The following ENTREP2 variants were observed in gnomAD, a reference collection of about 807,000 sequenced individuals.
ENTREP2 encodes the protein endosomal transmembrane epsin interactor 2.
At chr15:29,615,905 T>TCA in the ENTREP2 span, among the ~76,000 whole-genome samples, 2 of 152,166 alleles carry the variant, frequency 1.3e-5, no homozygotes, top group African/African-American at 2.4e-5. Flanking sequence ...CCACCTTTGT[T>TCA]AAGAGCCTAG....
chr15:29,269,756 C>A, the ENTREP2 span: 2 of 1,398,020 alleles, frequency 1.4e-6, no homozygotes, highest in African/African-American at 1.5e-5. Flanking sequence ...GCAGCCGCGG[C>A]GGGGATTGCG....
the ENTREP2 span, among the ~76,000 whole-genome samples, chr15:29,173,944 C>CAAAAAAAAA: frequency 8.9e-5 from 7 of 78,696 alleles, no homozygotes; most frequent in Non-Finnish European, 1.2e-4. Context: ...TCTGGATAGC[C>CAAAAAAAAA]AAAAAAAAAA....
chr15:29,498,442 C>T, the ENTREP2 span, among the ~76,000 whole-genome samples: 7,265 of 152,038 alleles, frequency 0.048, 546 homozygotes, highest in African/African-American at 0.16. Flanking sequence ...TTTCCCAATT[C>T]CCTTCCATTA....
the ENTREP2 span, among the ~76,000 whole-genome samples, chr15:29,318,892 C>T: frequency 6.6e-6 from 1 of 152,204 alleles, no homozygotes; most frequent in Non-Finnish European, 1.5e-5. Flanking sequence ...AAACTGAATG[C>T]TCCCTTTCTC....
At chr15:29,383,168 C>T in the ENTREP2 span, among the ~76,000 whole-genome samples, 1 of 152,236 alleles carries the variant, frequency 6.6e-6, no homozygotes, top group Admixed American at 6.5e-5. Context: ...GTACCATCCA[C>T]TGGTATCTGC....
chr15:29,441,024 G>A, the ENTREP2 span, among the ~76,000 whole-genome samples: 2 of 152,166 alleles, frequency 1.3e-5, no homozygotes, highest in East Asian at 1.9e-4. Context: ...CCATGTTCAC[G>A]GCAGCATTAC....
At chr15:29,341,895 G>A in the ENTREP2 span, among the ~76,000 whole-genome samples, 9 of 152,156 alleles carry the variant, frequency 5.9e-5, no homozygotes, top group African/African-American at 2.2e-4. Flanking sequence ...CATTGCAGGT[G>A]GAGGAAAATT....
At chr15:29,228,562 C>T in the ENTREP2 span, among the ~76,000 whole-genome samples, 1,294 of 152,284 alleles carry the variant, frequency 8.5e-3, 22 homozygotes, top group African/African-American at 0.03. Context: ...CTTAATGCCA[C>T]TGAATTGCAC....
the ENTREP2 span, among the ~76,000 whole-genome samples, chr15:29,421,621 T>C: frequency 5.3e-5 from 8 of 152,228 alleles, no homozygotes; most frequent in African/African-American, 1.4e-4. Flanking sequence ...TAAAAACACA[T>C]AGACATGAAT....
the ENTREP2 span, among the ~76,000 whole-genome samples, chr15:29,229,456 G>A: frequency 6.6e-6 from 1 of 152,072 alleles, no homozygotes; most frequent in East Asian, 1.9e-4. Context: ...TGAGCTTATG[G>A]AAAGAGACAT....
At chr15:29,214,030 C>G in the ENTREP2 span, among the ~76,000 whole-genome samples, 6 of 130,858 alleles carry the variant, frequency 4.6e-5, no homozygotes, top group Admixed American at 4.1e-4. Flanking sequence ...ATTAAAAATT[C>G]AGGAAACAAT....
the ENTREP2 span, chr15:29,136,549 G>T: frequency 6.5e-7 from 1 of 1,535,134 alleles, no homozygotes; most frequent in South Asian, 1.2e-5. Flanking sequence ...GGAGGAGGCA[G>T]AAGTGCTGAC....
At chr15:29,381,740 C>A in the ENTREP2 span, 29 of 1,545,378 alleles carry the variant, frequency 1.9e-5, no homozygotes, top group African/African-American at 3.7e-4. Context: ...TGGAACCCTG[C>A]TCCAAGGCCA....
At chr15:29,559,168 CA>C in the ENTREP2 span, among the ~76,000 whole-genome samples, 8 of 151,734 alleles carry the variant, frequency 5.3e-5, no homozygotes, top group Non-Finnish European at 1.2e-4. Flanking sequence ...TCGCGTCTGG[CA>C]AAAAAAGTAA....
chr15:29,556,109 A>T, the ENTREP2 span, among the ~76,000 whole-genome samples: 2 of 152,184 alleles, frequency 1.3e-5, no homozygotes, highest in Admixed American at 6.5e-5. Context: ...AAATTAAAAA[A>T]TTAGCCGGGA....
chr15:29,469,502 A>G, the ENTREP2 span, among the ~76,000 whole-genome samples: 70 of 152,264 alleles, frequency 4.6e-4, no homozygotes, highest in African/African-American at 1.7e-3. Flanking sequence ...TCCCAGCCGC[A>G]TGACTGCACT....
chr15:29,173,931 A>G, the ENTREP2 span, among the ~76,000 whole-genome samples: 6 of 150,188 alleles, frequency 4.0e-5, no homozygotes, highest in Admixed American at 6.6e-5. Flanking sequence ...GTGAAAACTA[A>G]TATCTGGATA....
At chr15:29,314,380 T>C in the ENTREP2 span, among the ~76,000 whole-genome samples, 18,709 of 152,068 alleles carry the variant, frequency 0.12, 1,448 homozygotes, top group African/African-American at 0.22. Flanking sequence ...TTTTCAGAAA[T>C]TGCCACAGCC....
At chr15:29,150,482 A>G in the ENTREP2 span, among the ~76,000 whole-genome samples, 5 of 152,194 alleles carry the variant, frequency 3.3e-5, no homozygotes, top group Non-Finnish European at 5.9e-5. Flanking sequence ...TCAATAGTAA[A>G]ATCTGCTGAG....
Sources: allele counts gnomAD v4.1 joint callset (sites outside exome capture counted in the v4.1 genomes callset), GRCh38; gene constraint gnomAD v4.1.1; transcripts MANE v1.5; gene names NCBI Gene and HGNC (gene_info 2026-07-23, HGNC 2026-07-21).